The following PARD3B variants were observed in gnomAD, a reference collection of about 807,000 sequenced individuals.
PARD3B encodes the protein partitioning defective 3 homolog B.
Under a neutral mutation model 130.2 loss-of-function variants are expected in PARD3B, and 103 were observed. That is an observed-to-expected ratio of 0.79 (90% CI 0.67 to 0.93). The LOEUF is 0.93. Ranked by LOEUF, PARD3B falls within the 40% of genes least tolerant of loss-of-function variation. The probability of loss-of-function intolerance (pLI) is 0.00; values close to 1 mark genes in which losing one functional copy is unlikely to be tolerated. For synonymous variants in PARD3B, 583 were observed against 553.2 expected (o/e 1.05, Z -0.76); for missense variants, 1,609 against 1,499.2 (o/e 1.07, Z -1.21).
intron 3 of PARD3B, among the ~76,000 whole-genome samples, chr2:204,973,962 A>G (rs1401791147): frequency 1.3e-5 from 2 of 152,188 alleles, no homozygotes; most frequent in African/African-American, 4.8e-5. Context: ...CCTCCCAGAT[A>G]TCACCACCAC....
chr2:205,379,073 A>G (rs970332623), intron 18 of PARD3B, among the ~76,000 whole-genome samples: 1 of 152,086 alleles, frequency 6.6e-6, no homozygotes, highest in Non-Finnish European at 1.5e-5. Context: ...TCTGAGAAAA[A>G]ATATAGAGGG....
At chr2:205,466,718 G>A (rs1284390816) in intron 20 of PARD3B, among the ~76,000 whole-genome samples, 1 of 152,080 alleles carries the variant, frequency 6.6e-6, no homozygotes, top group Non-Finnish European at 1.5e-5. Flanking sequence ...GTTTTGTTTT[G>A]TTTTTGTTTT....
In PARD3B at chr2:205,158,956, G is replaced by A; in HGVS notation, c.1620+49G>A. On this transcript the variant is annotated intron_variant, in intron 11 of 22. Coordinates refer to ENST00000406610, the MANE Select transcript of PARD3B (RefSeq NM_001302769.2). The surrounding 1 kb of genome is among the most constrained non-coding windows in gnomAD (Gnocchi z 5.4). ...ATCCTTTGAGAAGGCACTTGGAGAT[G>A]TGACTGTTGTACTTAGAGACTGAAT... The A allele has an allele frequency of 1.3e-6, 2 of 1,588,270 alleles. No individual in the cohort carries two copies. Among genetic ancestry groups the A allele is most frequent in the Non-Finnish European group, 1.7e-6 (2 of 1,159,696 alleles).
At chr2:205,596,704 C>T (rs1244991846) in intron 22 of PARD3B, among the ~76,000 whole-genome samples, 1 of 152,134 alleles carries the variant, frequency 6.6e-6, no homozygotes, top group Non-Finnish European at 1.5e-5. Context: ...GAATAATCAT[C>T]CCCAAAATGT....
intron 21 of PARD3B, among the ~76,000 whole-genome samples, chr2:205,523,229 A>G (rs5025557): frequency 3.8e-3 from 332 of 88,458 alleles, no homozygotes; most frequent in African/African-American, 8.2e-3. Context: ...GTGTGTGTAT[A>G]TATATATATA....
chr2:204,760,430 T>C (rs2040850015), intron 2 of PARD3B, among the ~76,000 whole-genome samples: 1 of 152,072 alleles, frequency 6.6e-6, no homozygotes, highest in African/African-American at 2.4e-5. Context: ...GAAGAAATTA[T>C]AGCTTATATA....
At chr2:205,505,407 A>AAAT (rs1317527311) in intron 21 of PARD3B, among the ~76,000 whole-genome samples, 2 of 152,090 alleles carry the variant, frequency 1.3e-5, no homozygotes, top group South Asian at 2.1e-4. Context: ...AAATAAAATA[A>AAAT]AATAAATGAA....
chr2:205,089,659 A>G (rs1701979421), intron 4 of PARD3B, among the ~76,000 whole-genome samples: 1 of 152,160 alleles, frequency 6.6e-6, no homozygotes, highest in African/African-American at 2.4e-5. Context: ...TGAGATGGCA[A>G]ATCTGAGTCC....
chr2:205,340,478 G>C (rs984804463), intron 18 of PARD3B, among the ~76,000 whole-genome samples: 4 of 151,944 alleles, frequency 2.6e-5, no homozygotes, highest in Non-Finnish European at 5.9e-5. Context: ...TTTCAACAAC[G>C]GCATCAATAT....
At position 204,545,899 on chromosome 2, in the gene PARD3B, C is replaced by A; in HGVS notation, c.-101C>A. 7.5e-7 allele frequency: 1 copy of A among 1,332,796 alleles called. No homozygotes were observed. The highest frequency in any genetic ancestry group is 9.8e-7 in the Non-Finnish European group (1 of 1,020,970). The allele number at this position is 1,332,796 out of a possible 1,614,324, so 82.6% of individuals were successfully genotyped here. On this transcript the variant is annotated 5_prime_UTR_variant, in exon 1 of 23. Transcript: ENST00000406610. Reference sequence around the variant, plus strand: ...TGTTCCGGGGAGCGGCGCCCCGGGTCTCTGGGCCCACCCGCCCCGGGCGTC... The same window carrying A: ...TGTTCCGGGGAGCGGCGCCCCGGGTATCTGGGCCCACCCGCCCCGGGCGTC...
chr2:205,047,885 G>A (rs996419952), intron 4 of PARD3B, 195 bp downstream of exon 4: 2 of 427,326 alleles, frequency 4.7e-6, no homozygotes, highest in Admixed American at 4.1e-5. Flanking sequence ...TACGTATATG[G>A]CACTGATTAT....
At chr2:205,330,643 TA>T (rs1358011445) in intron 18 of PARD3B, among the ~76,000 whole-genome samples, 3 of 152,200 alleles carry the variant, frequency 2.0e-5, no homozygotes, top group African/African-American at 7.2e-5. Context: ...AGTTGTCATT[TA>T]AAAGAGTATG....
chr2:205,359,505 C>T (rs547807358), intron 18 of PARD3B, among the ~76,000 whole-genome samples: 5 of 152,204 alleles, frequency 3.3e-5, no homozygotes, highest in African/African-American at 4.8e-5. Flanking sequence ...ATGGCTCTAT[C>T]GTCATTTGTC....
intron 2 of PARD3B, among the ~76,000 whole-genome samples, chr2:204,954,377 C>T (rs1690057604): frequency 6.6e-6 from 1 of 152,156 alleles, no homozygotes; most frequent in African/African-American, 2.4e-5. Flanking sequence ...CTTTCTGTAG[C>T]CTCCACCAGT....
intron 18 of PARD3B, among the ~76,000 whole-genome samples, chr2:205,338,210 G>C (rs557494334): frequency 1.3e-5 from 2 of 148,528 alleles, no homozygotes; most frequent in South Asian, 4.3e-4. Context: ...CATCTGTGAT[G>C]GGGAAAGATT....
chr2:205,330,465 C>T (rs1221312109), intron 18 of PARD3B, among the ~76,000 whole-genome samples: 1 of 152,218 alleles, frequency 6.6e-6, no homozygotes, highest in Non-Finnish European at 1.5e-5. Flanking sequence ...AGTCTCCTTG[C>T]TTGGGTTAAC....
intron 18 of PARD3B, among the ~76,000 whole-genome samples, chr2:205,391,841 C>CT (rs1038752822): frequency 2.0e-5 from 3 of 152,060 alleles, no homozygotes; most frequent in Non-Finnish European, 4.4e-5. Flanking sequence ...AATTTCTGGC[C>CT]TTTTTTTCAT....
chr2:204,745,618 G>A (rs1414344338), intron 2 of PARD3B, among the ~76,000 whole-genome samples: 2 of 151,984 alleles, frequency 1.3e-5, no homozygotes, highest in Non-Finnish European at 2.9e-5. Flanking sequence ...GGCCAGGCTG[G>A]TCTCAAACTC....
At chr2:205,319,309 G>C (rs964499464) in intron 18 of PARD3B, among the ~76,000 whole-genome samples, 4 of 152,146 alleles carry the variant, frequency 2.6e-5, no homozygotes, top group African/African-American at 9.7e-5. Context: ...TCCTGCATGA[G>C]CCCCACTCTG....
Sources: gnomAD v4.1 joint callset for allele counts (sites outside exome capture counted in the v4.1 genomes callset) on GRCh38, gnomAD v4.1.1 for gene constraint, Gnocchi (gnomAD v3.1) non-coding constraint, MANE v1.5 for transcripts, NCBI Gene and HGNC (gene_info 2026-07-23, HGNC 2026-07-21) for gene names.